Variants in SPOCK3 observed in about 807,000 individuals in gnomAD.
SPOCK3 encodes testican-3.
In SPOCK3, 30 loss-of-function variants were observed where a neutral mutation model predicts 56.6. That is an observed-to-expected ratio of 0.53 (90% CI 0.40 to 0.72). SPOCK3 has a LOEUF of 0.72. Among genes scored for constraint, SPOCK3 ranks in the 30% least tolerant of loss-of-function variants. The pLI is 0.00. For synonymous variants in SPOCK3, 196 were observed against 183.3 expected (o/e 1.07, Z -0.56); for missense variants, 527 against 530.0 (o/e 0.99, Z 0.06).
intron 3 of SPOCK3, among the ~76,000 whole-genome samples, chr4:167,033,976 G>T (rs912467508): frequency 6.6e-6 from 1 of 151,956 alleles, no homozygotes; most frequent in African/African-American, 2.4e-5. Context: ...TATACTACTG[G>T]ACTTCAGAGT....
chr4:166,979,249 G>A (rs1746319777), intron 4 of SPOCK3, among the ~76,000 whole-genome samples: 1 of 151,914 alleles, frequency 6.6e-6, no homozygotes, highest in South Asian at 2.1e-4. Context: ...CATATGCAGG[G>A]TGCCTCTCTT....
intron 6 of SPOCK3, among the ~76,000 whole-genome samples, chr4:166,848,801 T>C (rs1057469308): frequency 2.0e-5 from 3 of 152,226 alleles, no homozygotes; most frequent in Non-Finnish European, 4.4e-5. Flanking sequence ...TCTCCCTGTA[T>C]GCTACTGTTT....
At chr4:166,865,021 G>A (rs377239139) in intron 6 of SPOCK3, among the ~76,000 whole-genome samples, 7 of 152,162 alleles carry the variant, frequency 4.6e-5, no homozygotes, top group African/African-American at 1.4e-4. Context: ...GAATATTGAC[G>A]CAAAAATCCC....
intron 2 of SPOCK3, among the ~76,000 whole-genome samples, chr4:167,195,924 G>A (rs1275528657): frequency 6.6e-6 from 1 of 152,156 alleles, no homozygotes; most frequent in Non-Finnish European, 1.5e-5. Context: ...ATTGCTGGGG[G>A]AAATACCCAG....
rs570600410 is a variant in SPOCK3 at position 166,888,213 on chromosome 4, T to C, written c.589+917A>G. Among the ~76,000 whole-genome samples, 437 of 152,216 alleles carry C rather than the reference T, an allele frequency of 2.9e-3. 1 individual carries two copies. The highest frequency in any genetic ancestry group is 0.01 in the African/African-American group (422 of 41,550). On this transcript the variant is annotated intron_variant, in intron 6 of 10. Transcript: ENST00000357545. ...TACATAAGTTTATATTAAAGAAATT[T>C]CATACTCAATACGTTTTTCCTATTT...
intron 3 of SPOCK3, among the ~76,000 whole-genome samples, chr4:167,061,484 G>A (rs1413612303): frequency 2.6e-5 from 4 of 151,928 alleles, no homozygotes; most frequent in African/African-American, 9.7e-5. Flanking sequence ...TTGAATGACT[G>A]TTTCAGACTC....
At chr4:167,000,036 G>A (rs1040820793) in intron 4 of SPOCK3, among the ~76,000 whole-genome samples, 1 of 152,132 alleles carries the variant, frequency 6.6e-6, no homozygotes, top group African/African-American at 2.4e-5. Context: ...ACAAAAATAT[G>A]TAGAGGGAAC....
At chr4:166,768,303 T>G (rs1250080039) in intron 7 of SPOCK3, among the ~76,000 whole-genome samples, 11 of 152,184 alleles carry the variant, frequency 7.2e-5, no homozygotes, top group Admixed American at 3.3e-4. Flanking sequence ...TTACAATTTG[T>G]CATGTTTTTG....
At chr4:166,937,512 G>A (rs951051549) in intron 4 of SPOCK3, among the ~76,000 whole-genome samples, 2 of 148,032 alleles carry the variant, frequency 1.4e-5, no homozygotes, top group African/African-American at 2.5e-5. Flanking sequence ...TACATTTCTA[G>A]AAGCATATAT....
intron 2 of SPOCK3, among the ~76,000 whole-genome samples, chr4:167,208,277 TAAC>T (rs1266846797): frequency 6.6e-5 from 10 of 152,262 alleles, no homozygotes; most frequent in Middle Eastern, 3.4e-3. Context: ...AATGGTATAA[TAAC>T]AACAACAGAG....
chr4:166,902,065 G>T (rs1218930504), intron 5 of SPOCK3, among the ~76,000 whole-genome samples: 1 of 152,122 alleles, frequency 6.6e-6, no homozygotes, highest in Non-Finnish European at 1.5e-5. Flanking sequence ...GACAGCTTTT[G>T]TTCCGTGCAC....
intron 2 of SPOCK3, among the ~76,000 whole-genome samples, chr4:167,108,480 A>C (rs930973487): frequency 1.3e-5 from 2 of 152,026 alleles, no homozygotes. Flanking sequence ...AGCCATAAAA[A>C]GGATGAGATT....
intron 4 of SPOCK3, among the ~76,000 whole-genome samples, chr4:166,920,800 T>G (rs1738396782): frequency 1.3e-5 from 2 of 152,202 alleles, no homozygotes; most frequent in Non-Finnish European, 2.9e-5. Flanking sequence ...ATGTCTTGAT[T>G]GTGAAAAATT....
intron 2 of SPOCK3, among the ~76,000 whole-genome samples, chr4:167,145,125 T>C (rs1419637533): frequency 6.6e-6 from 1 of 152,044 alleles, no homozygotes; most frequent in Non-Finnish European, 1.5e-5. Flanking sequence ...TTATTTGAAA[T>C]ACAGTCAACA....
intron 2 of SPOCK3, among the ~76,000 whole-genome samples, chr4:167,211,256 T>C (rs1734844659): frequency 6.6e-6 from 1 of 152,156 alleles, no homozygotes; most frequent in South Asian, 2.1e-4. Context: ...ACCCCTGTTG[T>C]ATCTAGGAAG....
chr4:166,958,320 A>G (rs13112454), intron 4 of SPOCK3, among the ~76,000 whole-genome samples: 24,600 of 152,100 alleles, frequency 0.16, 2,913 homozygotes, highest in African/African-American at 0.34. Flanking sequence ...CCTCCCCAGA[A>G]GCAGACCCCA....
intron 2 of SPOCK3, among the ~76,000 whole-genome samples, chr4:167,205,344 T>G (rs192809072): frequency 1.6e-4 from 6 of 37,926 alleles, no homozygotes; most frequent in Non-Finnish European, 2.5e-4. Context: ...TTATATATTA[T>G]ATATATAATA....
chr4:166,984,217 C>A (rs974096002), intron 4 of SPOCK3, among the ~76,000 whole-genome samples: 1 of 151,816 alleles, frequency 6.6e-6, no homozygotes, highest in African/African-American at 2.4e-5. Context: ...TTATATTTTC[C>A]TCAATAGTTT....
At chr4:166,746,996 C>T (rs570646696) in intron 8 of SPOCK3, among the ~76,000 whole-genome samples, 69 of 152,212 alleles carry the variant, frequency 4.5e-4, no homozygotes, top group African/African-American at 1.6e-3. Context: ...TAATTAAGAG[C>T]CTACCAACCA....
Sources: gnomAD v4.1 joint callset for allele counts (sites outside exome capture counted in the v4.1 genomes callset) on GRCh38, gnomAD v4.1.1 for gene constraint, MANE v1.5 for transcripts, NCBI Gene and HGNC (gene_info 2026-07-23, HGNC 2026-07-21) for gene names.